Variants in EIF4E3 observed in about 807,000 individuals in gnomAD.
EIF4E3 encodes the protein eukaryotic translation initiation factor 4E family member 3.
A neutral mutation model predicts 31.7 loss-of-function variants in EIF4E3; 26 were observed. The ratio of observed to expected loss-of-function variants is 0.82; its 90% CI spans 0.60 to 1.14. The LOEUF is 1.14. Among genes scored for constraint, EIF4E3 ranks in the 50% most tolerant of loss-of-function variants. EIF4E3 has a pLI of 0.00. For synonymous variants in EIF4E3, 128 were observed against 107.7 expected (o/e 1.19, Z -1.17); for missense variants, 304 against 270.9 (o/e 1.12, Z -0.86).
chr3:71,701,484 T>C (rs984739599), intron 2 of EIF4E3, among the ~76,000 whole-genome samples: 1 of 152,208 alleles, frequency 6.6e-6, no homozygotes, highest in Non-Finnish European at 1.5e-5. Flanking sequence ...GAGTAGGTCA[T>C]AGAATTACTA....
chr3:71,714,563 C>A (rs540907955), intron 1 of EIF4E3, among the ~76,000 whole-genome samples: 55 of 152,298 alleles, frequency 3.6e-4, no homozygotes, highest in African/African-American at 1.3e-3. Context: ...CTTTTGTGAG[C>A]CAAATGTGAT....
chr3:71,703,811 C>CAAAAAAAAAAAAAA (rs370789059), intron 2 of EIF4E3, among the ~76,000 whole-genome samples: 2 of 72,408 alleles, frequency 2.8e-5, no homozygotes, highest in African/African-American at 1.2e-4. Context: ...AAACACACAT[C>CAAAAAAAAAAAAAA]AAAAAAAAAA....
chr3:71,678,620 A>G lies in EIF4E3; in HGVS notation c.*6062T>C, dbSNP rs1444051951. On this transcript the variant is annotated 3_prime_UTR_variant, in exon 7 of 7. Transcript: ENST00000425534. Reference sequence around the variant, plus strand: ...AGAAAAGTTTTCAGTCTGACCTTAAAAATACTGAGCAAATCACTAGATGAA... The same window carrying G: ...AGAAAAGTTTTCAGTCTGACCTTAAGAATACTGAGCAAATCACTAGATGAA... 1.3e-5 allele frequency: 2 copies of G among 152,122 alleles called. No individual in the cohort carries two copies. The highest frequency in any genetic ancestry group is 4.8e-5 in the African/African-American group (2 of 41,424). The allele number at this position is 152,122 out of a possible 1,614,324, so 9.4% of individuals were successfully genotyped here.
chr3:71,718,586 C>A (rs1001114400), intron 1 of EIF4E3, among the ~76,000 whole-genome samples: 8 of 152,170 alleles, frequency 5.3e-5, no homozygotes, highest in Non-Finnish European at 7.3e-5. Flanking sequence ...AAGTTGTGAA[C>A]CATTCCCATG....
chr3:71,719,422 T>A (rs1259705369), intron 1 of EIF4E3, among the ~76,000 whole-genome samples: 1 of 151,756 alleles, frequency 6.6e-6, no homozygotes, highest in African/African-American at 2.4e-5. Context: ...CACAGCCAGG[T>A]GATTCTGATG....
chr3:71,735,055 C>CT (rs2049747373), intron 1 of EIF4E3, among the ~76,000 whole-genome samples: 1 of 152,158 alleles, frequency 6.6e-6, no homozygotes, highest in South Asian at 2.1e-4. Context: ...AATTCAAGCA[C>CT]TTCTTTTACC....
At chr3:71,697,127 G>A (rs112944102) in intron 3 of EIF4E3, among the ~76,000 whole-genome samples, 2,664 of 150,180 alleles carry the variant, frequency 0.018, 81 homozygotes, top group African/African-American at 0.062. Flanking sequence ...GCAATCCTCC[G>A]CCCTCAGCCT....
At chr3:71,707,475 C>G (rs1277963835) in intron 2 of EIF4E3, among the ~76,000 whole-genome samples, 1 of 152,178 alleles carries the variant, frequency 6.6e-6, no homozygotes, top group African/African-American at 2.4e-5. Flanking sequence ...TCTCATCTAA[C>G]TTTCACTCTA....
At chr3:71,669,488 A>G in the EIF4E3 span, among the ~76,000 whole-genome samples, 18 of 152,340 alleles carry the variant, frequency 1.2e-4, no homozygotes, top group African/African-American at 4.3e-4. Context: ...TGAATTTTTG[A>G]ACTAAGTGTT....
At chr3:71,754,548 G>A (rs1316191422), upstream of EIF4E3, 4 of 1,352,552 alleles carry the variant, frequency 3.0e-6, no homozygotes, top group Non-Finnish European at 3.8e-6. This position sits in a 1 kb window ranked among gnomAD's most constrained non-coding sequence, Gnocchi z 5.8. Context: ...TGGCGACGAC[G>A]AGGACGCGCC....
chr3:71,710,538 A>C, intron 1 of EIF4E3, 54 bp from the exon 2 acceptor site: 1 of 1,518,558 alleles, frequency 6.6e-7, no homozygotes, highest in Non-Finnish European at 8.9e-7. Flanking sequence ...GTCAGTGCTC[A>C]CAAAACAGCC....
chr3:71,717,925 G>T (rs1417750180), intron 1 of EIF4E3, among the ~76,000 whole-genome samples: 1 of 152,194 alleles, frequency 6.6e-6, no homozygotes, highest in Non-Finnish European at 1.5e-5. Context: ...AGTGGGAAAA[G>T]ATGTCTGAAA....
rs542556325 is a variant in EIF4E3, at chr3:71,701,396, A to G, written c.250-1688T>C. ...CACCAGGCAGAGACGAACCTGCCCA[A>G]GAGTCAGTTTGGTATGACCATTAGG... On this transcript the variant is annotated intron_variant, in intron 2 of 6. Transcript: ENST00000425534. Among the ~76,000 whole-genome samples the G allele has an allele frequency of 1.3e-4, 20 of 152,334 alleles. No individual in the cohort carries two copies. The South Asian group carries it at 4.1e-3, about 32-fold the overall frequency.
intron 2 of EIF4E3, among the ~76,000 whole-genome samples, chr3:71,702,686 G>A (rs2049234633): frequency 6.7e-6 from 1 of 149,320 alleles, no homozygotes; most frequent in African/African-American, 2.5e-5. Flanking sequence ...GCATAAAATA[G>A]GAGCAAAATA....
intron 1 of EIF4E3, among the ~76,000 whole-genome samples, chr3:71,734,256 T>A (rs1297420198): frequency 6.6e-6 from 1 of 152,246 alleles, no homozygotes; most frequent in Non-Finnish European, 1.5e-5. Flanking sequence ...GAGGCTATGA[T>A]GAACATGGTA....
intron 2 of EIF4E3, 113 bp from the exon 3 acceptor site, chr3:71,699,821 A>T (rs943516500): frequency 3.7e-6 from 3 of 805,536 alleles, no homozygotes; most frequent in Non-Finnish European, 5.8e-6. Flanking sequence ...TGTTTTATCC[A>T]TTCAAAATAG....
At position 71,705,492 on chromosome 3, in the gene EIF4E3, T is replaced by C. The variant is rs182090517; in HGVS notation, c.249+4920A>G. 2.3e-3 allele frequency among the ~76,000 whole-genome samples: 347 copies of C among 152,306 alleles called. 1 individual carries two copies. The highest frequency in any genetic ancestry group is 7.3e-3 in the African/African-American group (305 of 41,570). ...ATAAACGATGCTGAATTTCCACTTATAGAGGAAATATGGTTTCTGTTTTAT... is the reference window on the plus strand; with the variant it reads ...ATAAACGATGCTGAATTTCCACTTACAGAGGAAATATGGTTTCTGTTTTAT... On this transcript the variant is annotated intron_variant, in intron 2 of 6. Coordinates refer to ENST00000425534, the MANE Select transcript of EIF4E3 (RefSeq NM_001134651.2).
intron 1 of EIF4E3, among the ~76,000 whole-genome samples, chr3:71,748,195 G>A (rs914665780): frequency 9.4e-6 from 1 of 105,844 alleles, no homozygotes; most frequent in African/African-American, 3.4e-5. Context: ...TGCATGGGTT[G>A]GTTTATATGT....
At chr3:71,754,311 G>A (rs1171985987), upstream of EIF4E3, 4 of 1,158,412 alleles carry the variant, frequency 3.5e-6, no homozygotes, top group African/African-American at 1.6e-5. This position sits in a 1 kb window ranked among gnomAD's most constrained non-coding sequence, Gnocchi z 5.8. Flanking sequence ...CGCGGCGGGG[G>A]CGCCGCCGGG....
Sources: allele counts gnomAD v4.1 joint callset (sites outside exome capture counted in the v4.1 genomes callset), GRCh38; gene constraint gnomAD v4.1.1; non-coding constraint Gnocchi (gnomAD v3.1); transcripts MANE v1.5; gene names NCBI Gene and HGNC (gene_info 2026-07-23, HGNC 2026-07-21).